The following LRRC3B variants were observed in gnomAD, a reference collection of about 807,000 sequenced individuals.
The protein encoded by LRRC3B is leucine rich repeat containing 3B.
In LRRC3B, 2 loss-of-function variants were observed where a neutral mutation model predicts 12.8. That is an observed-to-expected ratio of 0.16 (90% CI 0.06 to 0.49). LRRC3B has a LOEUF of 0.49. Among genes scored for constraint, LRRC3B ranks in the 20% least tolerant of loss-of-function variants. LRRC3B has a pLI of 0.96. For synonymous variants in LRRC3B, 132 were observed against 122.0 expected, an observed-to-expected ratio of 1.08 and a Z score of -0.54; for missense variants, 189 against 319.4, an observed-to-expected ratio of 0.59 and a Z score of 3.11.
intron 1 of LRRC3B, among the ~76,000 whole-genome samples, chr3:26,704,335 AC>A: frequency 6.6e-6 from 1 of 152,272 alleles, no homozygotes; most frequent in African/African-American, 2.4e-5. Context: ...ACAAGAGTGC[AC>A]CATCAATCCT....
At chr3:26,670,570 A>G (rs1699699336) in intron 1 of LRRC3B, among the ~76,000 whole-genome samples, 1 of 152,222 alleles carries the variant, frequency 6.6e-6, no homozygotes, top group African/African-American at 2.4e-5. Context: ...CATGCTCTAT[A>G]AAAATGTCAG....
At chr3:26,671,350 GTA>G (rs1161960755) in intron 1 of LRRC3B, among the ~76,000 whole-genome samples, 2,198 of 56,472 alleles carry the variant, frequency 0.039, 117 homozygotes, top group Non-Finnish European at 0.052. Context: ...ATATATGTGT[GTA>G]TATATATATA....
chr3:26,678,045 G>C (rs1035244192), intron 1 of LRRC3B, among the ~76,000 whole-genome samples: 2 of 151,980 alleles, frequency 1.3e-5, no homozygotes, highest in African/African-American at 4.8e-5. Context: ...TCAAACTCCT[G>C]GGTTCAAGTG....
chr3:26,695,354 A>C (rs927747491), intron 1 of LRRC3B, among the ~76,000 whole-genome samples: 6 of 152,044 alleles, frequency 3.9e-5, no homozygotes, highest in African/African-American at 1.4e-4. Flanking sequence ...GGTGAAACCC[A>C]GTCTCTACTA....
At position 26,671,348 on chromosome 3, in the gene LRRC3B, G is replaced by GTATA. The variant is rs1559361621; in HGVS notation, c.-160-38164_-160-38163insATAT. The stretch of plus-strand genomic sequence containing the variant: ...CTTATAAATGTGTGTGTATATATGT[G>GTATA]TGTATATATATATATATATATATAT... On this transcript the variant is annotated intron_variant, in intron 1 of 1. Transcript: ENST00000396641. Among the ~76,000 whole-genome samples, 119 of 66,332 alleles carry GTATA rather than the reference G, an allele frequency of 1.8e-3. 5 individuals carry two copies. The highest frequency in any genetic ancestry group is 4.9e-3 in the African/African-American group (79 of 16,030). The allele number at this position is 66,332 out of a possible 152,430, so 43.5% of individuals were successfully genotyped here.
At chr3:26,702,763 A>G (rs1363739377) in intron 1 of LRRC3B, among the ~76,000 whole-genome samples, 1 of 152,134 alleles carries the variant, frequency 6.6e-6, no homozygotes, top group Non-Finnish European at 1.5e-5. Context: ...CTCTTTCAGA[A>G]CAGGATGTTG....
intron 1 of LRRC3B, among the ~76,000 whole-genome samples, chr3:26,664,361 C>A (rs1158165144): frequency 6.6e-6 from 1 of 151,858 alleles, no homozygotes; most frequent in Non-Finnish European, 1.5e-5. Flanking sequence ...AGGTGTCTGT[C>A]CCCCCACCCC....
chr3:26,659,319 C>G (rs1316788220), intron 1 of LRRC3B, among the ~76,000 whole-genome samples: 1 of 152,188 alleles, frequency 6.6e-6, no homozygotes, highest in Non-Finnish European at 1.5e-5. Context: ...CTCACACACT[C>G]AAATACTCAT....
At chr3:26,690,362 T>C (rs1302854355) in intron 1 of LRRC3B, among the ~76,000 whole-genome samples, 1 of 152,218 alleles carries the variant, frequency 6.6e-6, no homozygotes, top group Non-Finnish European at 1.5e-5. Flanking sequence ...TCTTTACTTA[T>C]CTTACCTGCC....
chr3:26,691,113 A>G (rs1383905399), intron 1 of LRRC3B, among the ~76,000 whole-genome samples: 2 of 139,204 alleles, frequency 1.4e-5, no homozygotes, highest in Non-Finnish European at 1.6e-5. Flanking sequence ...GTGTATATAT[A>G]TATATATATA....
intron 1 of LRRC3B, among the ~76,000 whole-genome samples, chr3:26,679,679 C>G (rs903405647): frequency 2.0e-4 from 31 of 152,138 alleles, no homozygotes; most frequent in African/African-American, 7.5e-4. Flanking sequence ...TATTACTTCT[C>G]CTGACATTAC....
intron 1 of LRRC3B, among the ~76,000 whole-genome samples, chr3:26,702,918 A>C (rs1026564887): frequency 2.0e-5 from 3 of 152,080 alleles, no homozygotes; most frequent in African/African-American, 7.2e-5. Flanking sequence ...CTGAGGGTAA[A>C]ATTATGATTT....
At chr3:26,630,227 G>A (rs1426820356) in intron 1 of LRRC3B, among the ~76,000 whole-genome samples, 2 of 152,176 alleles carry the variant, frequency 1.3e-5, no homozygotes, top group African/African-American at 2.4e-5. Flanking sequence ...CCCAGCCAGA[G>A]GGCAAGGTCT....
chr3:26,654,309 A>G (rs1419673686), intron 1 of LRRC3B, among the ~76,000 whole-genome samples: 1 of 152,226 alleles, frequency 6.6e-6, no homozygotes, highest in Non-Finnish European at 1.5e-5. Flanking sequence ...GAGCATGTGT[A>G]GCAATGCTTC....
intron 1 of LRRC3B, among the ~76,000 whole-genome samples, chr3:26,630,730 A>ATGGATGCCTTGAATTCTAATGG: frequency 6.6e-6 from 1 of 152,194 alleles, no homozygotes; most frequent in Non-Finnish European, 1.5e-5. Flanking sequence ...ATGCAAGTTC[A>ATGGATGCCTTGAATTCTAATGG]TGGATGCCTT....
At chr3:26,653,965 TTTTTCCATGTCTAATTAACAGCCTAAAA>T (rs1221471952) in intron 1 of LRRC3B, among the ~76,000 whole-genome samples, 1 of 152,200 alleles carries the variant, frequency 6.6e-6, no homozygotes, top group African/African-American at 2.4e-5. Context: ...TGGCTATTTT[TTTTTCCATGTCTAATTAACAGCCTAAAA>T]TAGCCTGTGT....
intron 1 of LRRC3B, among the ~76,000 whole-genome samples, chr3:26,673,381 AT>A (rs1699793159): frequency 1.3e-5 from 2 of 152,128 alleles, no homozygotes; most frequent in African/African-American, 4.8e-5. Flanking sequence ...GTATTGGGAG[AT>A]AGGTAGATGG....
chr3:26,647,319 C>T (rs1559354121), intron 1 of LRRC3B, among the ~76,000 whole-genome samples: 1 of 151,982 alleles, frequency 6.6e-6, no homozygotes, highest in African/African-American at 2.4e-5. Flanking sequence ...ATATTGTCAG[C>T]CTCTCTCTCT....
chr3:26,671,371 T>TAGAGAGAGAGAGAGAGAG (rs1207421811), intron 1 of LRRC3B, among the ~76,000 whole-genome samples: 65 of 35,944 alleles, frequency 1.8e-3, no homozygotes, highest in East Asian at 5.1e-3. Flanking sequence ...TATATATATA[T>TAGAGAGAGAGAGAGAGAG]ATAGAGAGAG....
Sources: gnomAD v4.1 joint callset for allele counts (sites outside exome capture counted in the v4.1 genomes callset) on GRCh38, gnomAD v4.1.1 for gene constraint, MANE v1.5 for transcripts, NCBI Gene and HGNC (gene_info 2026-07-23, HGNC 2026-07-21) for gene names.